IPO8: variants seen among roughly 807,000 people sequenced by gnomAD.
IPO8 encodes importin 8.
Under a neutral mutation model 141.2 loss-of-function variants are expected in IPO8, and 65 were observed. The ratio of observed to expected loss-of-function variants is 0.46; its 90% CI spans 0.38 to 0.57. IPO8 has a LOEUF of 0.57. Ranked by LOEUF, IPO8 falls within the 20% of genes least tolerant of loss-of-function variation. The probability of loss-of-function intolerance (pLI) is 0.00; values close to 1 mark genes in which losing one functional copy is unlikely to be tolerated. For synonymous variants in IPO8, 411 were observed against 420.3 expected, an observed-to-expected ratio of 0.98 and a Z score of 0.27; for missense variants, 980 against 1,246.8, an observed-to-expected ratio of 0.79 and a Z score of 3.22.
At chr12:30,632,040 AG>A (rs1338300547) in intron 23 of IPO8, 29 bp from the exon 24 acceptor site, 3 of 1,445,880 alleles carry the variant, frequency 2.1e-6, no homozygotes, top group Non-Finnish European at 2.9e-6. Context: ...AAAAGACAGG[AG>A]GGTACAGCGA....
At chr12:30,661,460 A>T (rs1202563070) in intron 15 of IPO8, among the ~76,000 whole-genome samples, 194 bp from the exon 16 acceptor site, 1 of 152,168 alleles carries the variant, frequency 6.6e-6, no homozygotes, top group Non-Finnish European at 1.5e-5. Context: ...AGCTATTTAC[A>T]TTAACTATTA....
chr12:30,668,847 C>A (rs2053006663), intron 10 of IPO8, among the ~76,000 whole-genome samples: 1 of 152,134 alleles, frequency 6.6e-6, no homozygotes, highest in Non-Finnish European at 1.5e-5. Flanking sequence ...AAAGTATTTC[C>A]CACATGAGAA....
chr12:30,689,440 C>CAT lies in IPO8; in HGVS notation c.166+1055_166+1056insAT, dbSNP rs1349942836. Reference sequence around the variant, plus strand: ...CCAATTGTGGTTTCAAAAATTTACACAGAAGTCTTGTAAACCTTATAAAAG... The same window carrying CAT: ...CCAATTGTGGTTTCAAAAATTTACACATAGAAGTCTTGTAAACCTTATAAAAG... On this transcript the variant is annotated intron_variant, in intron 2 of 24. Transcript: ENST00000256079. Among the ~76,000 whole-genome samples the CAT allele has an allele frequency of 2.0e-5, 3 of 152,128 alleles. No homozygotes were observed. The South Asian group carries it at 6.2e-4, about 31-fold the overall frequency.
intron 16 of IPO8, among the ~76,000 whole-genome samples, chr12:30,658,798 C>T (rs2052837242): frequency 7.2e-6 from 1 of 138,982 alleles, no homozygotes; most frequent in African/African-American, 2.7e-5. Flanking sequence ...CAGAAGGACA[C>T]AAAAATAAAA....
chr12:30,675,204 A>T lies in IPO8; in HGVS notation c.730-451T>A, dbSNP rs1023277465. ...AATACTGCACATTTTAAGACAAACTAAAATTTTAATAGATACAAGAACTAA... is the reference window on the plus strand; with the variant it reads ...AATACTGCACATTTTAAGACAAACTTAAATTTTAATAGATACAAGAACTAA... On this transcript the variant is annotated intron_variant, in intron 6 of 24. Coordinates refer to ENST00000256079, the MANE Select transcript of IPO8 (RefSeq NM_006390.4). Among the ~76,000 whole-genome samples, 395 of 152,346 alleles carry T rather than the reference A, an allele frequency of 2.6e-3. 1 individual carries two copies. Among genetic ancestry groups the T allele is most frequent in the African/African-American group, 9.0e-3 (373 of 41,560 alleles).
At chr12:30,682,725 T>TA (rs918524593) in intron 3 of IPO8, among the ~76,000 whole-genome samples, 49 of 149,150 alleles carry the variant, frequency 3.3e-4, no homozygotes, top group African/African-American at 9.5e-4. Flanking sequence ...ACAGGGCAAC[T>TA]AAAAAAAAAA....
intron 10 of IPO8, among the ~76,000 whole-genome samples, chr12:30,666,871 G>A (rs993874567): frequency 1.3e-5 from 2 of 152,184 alleles, no homozygotes; most frequent in Non-Finnish European, 2.9e-5. Context: ...AGGTGAAACA[G>A]CAAGTATAAA....
intron 5 of IPO8, among the ~76,000 whole-genome samples, chr12:30,677,816 T>C (rs2053141830): frequency 1.3e-5 from 2 of 152,190 alleles, no homozygotes; most frequent in Admixed American, 6.5e-5. Flanking sequence ...AACTAAGTGT[T>C]AGTACAACAG....
intron 3 of IPO8, 126 bp from the exon 4 acceptor site, chr12:30,681,943 G>T: frequency 1.4e-6 from 1 of 691,394 alleles, no homozygotes; most frequent in Non-Finnish European, 2.2e-6. Flanking sequence ...TACATATGTG[G>T]GGTAGGGGAA....
intron 14 of IPO8, 159 bp from the exon 15 acceptor site, chr12:30,662,646 T>C (rs2052904607): frequency 3.0e-6 from 2 of 660,224 alleles, no homozygotes; most frequent in East Asian, 2.8e-5. Flanking sequence ...ACCTAAATAA[T>C]GTTCACCAAT....
At chr12:30,671,158 C>A in intron 8 of IPO8, 62 bp from the exon 9 acceptor site, 1 of 1,080,508 alleles carries the variant, frequency 9.3e-7, no homozygotes, top group East Asian at 2.4e-5. Flanking sequence ...GGGGGAGGTG[C>A]CATTTTTGGC....
chr12:30,673,918 C>T, intron 8 of IPO8, 72 bp downstream of exon 8: 2 of 872,532 alleles, frequency 2.3e-6, no homozygotes, highest in Non-Finnish European at 3.6e-6. Flanking sequence ...TTGTAACCTA[C>T]TTCCAGTAGA....
intron 14 of IPO8, among the ~76,000 whole-genome samples, chr12:30,663,215 G>A (rs1421992776): frequency 1.3e-5 from 2 of 152,112 alleles, no homozygotes; most frequent in Non-Finnish European, 2.9e-5. Context: ...TCCATGGCAA[G>A]TTAGGAGCAA....
chr12:30,636,872 G>A, intron 22 of IPO8, 110 bp downstream of exon 22: 1 of 888,500 alleles, frequency 1.1e-6, no homozygotes, highest in Non-Finnish European at 1.7e-6. Context: ...ATGTGTAGCA[G>A]GCCGAAGAAT....
intron 2 of IPO8, among the ~76,000 whole-genome samples, chr12:30,687,695 C>T (rs1053842444): frequency 1.3e-5 from 2 of 152,096 alleles, no homozygotes; most frequent in South Asian, 2.1e-4. Context: ...AAATAAAATG[C>T]ATGAATGTTA....
At chr12:30,668,057 A>T (rs533444825) in intron 10 of IPO8, among the ~76,000 whole-genome samples, 1 of 119,952 alleles carries the variant, frequency 8.3e-6, no homozygotes, top group Non-Finnish European at 1.9e-5. Flanking sequence ...TGGAACAAAA[A>T]AAAGAGAGAG....
At position 30,656,738 on chromosome 12, in the gene IPO8, A is replaced by G; in HGVS notation, c.1894T>C (p.Leu632=). 1.3e-6 allele frequency: 2 copies of G among 1,506,496 alleles called. No homozygotes were observed. The highest frequency in any genetic ancestry group is 1.8e-6 in the Non-Finnish European group (2 of 1,103,116). 93.3% of individuals were successfully genotyped at this position (1,506,496 alleles called of 1,614,324 possible). ...ATGATCCGTAGACAGATATTCTCTA[A>G]CTGCTGGGTAATCTAAAGATAAATG... is the stretch of plus-strand genomic sequence containing the variant. The part of the protein sequence containing the change: ...VEDHKEITQQ[L]ENICLRIIDL... The change falls in exon 17 of 25, where the codon TTA becomes CTA. Residue 632 remains leucine, a synonymous_variant. Coordinates refer to ENST00000256079, the MANE Select transcript of IPO8 (RefSeq NM_006390.4).
chr12:30,695,174 C>T lies in IPO8; in HGVS notation c.84+390G>A. On this transcript the variant is annotated intron_variant, in intron 1 of 24. Coordinates refer to ENST00000256079, the MANE Select transcript of IPO8 (RefSeq NM_006390.4). This position sits in a 1 kb window ranked among gnomAD's most constrained non-coding sequence, Gnocchi z 4.2. ...AAAAAGGGCTGGGTTTGGAAAAAAG[C>T]TGAACTCAGATTTGAACTGTAAGTA... is the stretch of plus-strand genomic sequence containing the variant. The T allele has an allele frequency of 2.6e-6, 1 of 385,086 alleles. No homozygotes were observed. The allele number at this position is 385,086 out of a possible 1,614,324, so 23.9% of individuals were successfully genotyped here.
chr12:30,670,560 A>G (rs2053033042), intron 9 of IPO8, among the ~76,000 whole-genome samples: 1 of 152,230 alleles, frequency 6.6e-6, no homozygotes, highest in Non-Finnish European at 1.5e-5. Context: ...AAACGGTCAC[A>G]TATCAGTCTT....
Sources: allele counts gnomAD v4.1 joint callset (sites outside exome capture counted in the v4.1 genomes callset), GRCh38; gene constraint gnomAD v4.1.1; non-coding constraint Gnocchi (gnomAD v3.1); transcripts MANE v1.5; gene names NCBI Gene and HGNC (gene_info 2026-07-23, HGNC 2026-07-21).